Variants in CCNB3 observed in about 807,000 individuals in gnomAD.
CCNB3 encodes the protein G2/mitotic-specific cyclin-B3.
In CCNB3, 12 loss-of-function variants were observed where a neutral mutation model predicts 68.0. The observed-to-expected ratio is 0.18, with a 90% CI of 0.11 to 0.29. The LOEUF (loss-of-function observed/expected upper bound fraction) is 0.29. Ranked by LOEUF, CCNB3 falls within the 10% of genes least tolerant of loss-of-function variation. The pLI is 1.00. For synonymous variants in CCNB3, 354 were observed against 388.9 expected, an observed-to-expected ratio of 0.91 and a Z score of 1.06; for missense variants, 904 against 993.1, an observed-to-expected ratio of 0.91 and a Z score of 1.21.
chrX:50,279,490 T>A (rs1455344555), intron 1 of CCNB3, among the ~76,000 whole-genome samples: 1 of 83,063 alleles, frequency 1.2e-5, no homozygotes, highest in African/African-American at 4.5e-5. Context: ...AATATTCATA[T>A]ATAAATATAT....
At chrX:50,342,072 A>G in intron 8 of CCNB3, 130 bp from the exon 9 acceptor site, 4 of 729,758 alleles carry the variant, frequency 5.5e-6, no homozygotes, top group Non-Finnish European at 8.4e-6. Flanking sequence ...CAGTTTCTGT[A>G]TTCGTAGCAG....
intron 1 of CCNB3, among the ~76,000 whole-genome samples, chrX:50,226,835 T>C (rs1935840670): frequency 1.4e-5 from 1 of 71,997 alleles, no homozygotes; most frequent in Non-Finnish European, 2.3e-5. Flanking sequence ...TACATGAATA[T>C]ATATAGTATA....
chrX:50,317,539 A>C (rs79633453), intron 8 of CCNB3, among the ~76,000 whole-genome samples: 1 of 24,116 alleles, frequency 4.1e-5, no homozygotes. Flanking sequence ...GTGTGTATTT[A>C]AATTTATGTA....
intron 4 of CCNB3, among the ~76,000 whole-genome samples, chrX:50,293,339 T>A (rs1219642673): frequency 2.7e-5 from 3 of 111,164 alleles, no homozygotes; most frequent in Admixed American, 9.6e-5. Flanking sequence ...TGATTTTTTT[T>A]AAGGTTTTTT....
At chrX:50,228,884 A>G (rs1423908389) in intron 1 of CCNB3, among the ~76,000 whole-genome samples, 3 of 67,403 alleles carry the variant, frequency 4.5e-5, no homozygotes, top group East Asian at 8.5e-4. Context: ...ATATATATGT[A>G]GAATATATAT....
intron 8 of CCNB3, among the ~76,000 whole-genome samples, chrX:50,341,534 TAA>T (rs375900011): frequency 2.3e-5 from 2 of 86,183 alleles, no homozygotes; most frequent in African/African-American, 4.2e-5. Context: ...AAATAGAGAC[TAA>T]AAAAAAAAAA....
intron 8 of CCNB3, among the ~76,000 whole-genome samples, chrX:50,322,703 A>G (rs1433389201): frequency 8.9e-6 from 1 of 112,201 alleles, no homozygotes; most frequent in Non-Finnish European, 1.9e-5. Context: ...CAGAATCTAC[A>G]AATAACTCAA....
intron 8 of CCNB3, among the ~76,000 whole-genome samples, chrX:50,318,369 C>T (rs1156801632): frequency 3.6e-5 from 4 of 110,245 alleles, no homozygotes; most frequent in East Asian, 2.9e-4. Flanking sequence ...AAAAATTAGC[C>T]GGGCATGGTG....
chrX:50,279,138 TATAA>T (rs1397935505), intron 1 of CCNB3, among the ~76,000 whole-genome samples: 5 of 54,049 alleles, frequency 9.3e-5, no homozygotes, highest in East Asian at 5.7e-4. Flanking sequence ...TATATTCATA[TATAA>T]ATATATAGAA....
rs371827417 is a variant in CCNB3, at chrX:50,310,993, G to A, written c.2824G>A (p.Glu942Lys). ...GAATGAGAAACCCACCACTGGGAAG[G>A]AGTTGTCCTTCAAGGAGCCATTAGC... ...ALNEKPTTGKELSFKEPLALQ... is the reference protein window; with the variant it reads ...ALNEKPTTGKKLSFKEPLALQ... The change falls in exon 6 of 13, where the codon GAG becomes AAG. Residue 942 changes from glutamate to lysine, a missense_variant. By Grantham distance (56) the Glu-to-Lys change is moderately conservative. Around this residue, in one of 2 missense-constraint regions of CCNB3, gnomAD observed 285 missense variants for 383.4 expected, o/e 0.74. Transcript: ENST00000376042. 2.5e-6 allele frequency: 3 copies of A among 1,209,943 alleles called. No individual in the cohort carries two copies. The African/African-American group carries it at 5.3e-5, about 21-fold the overall frequency.
chrX:50,279,602 G>GAATATGTACATTCATCTATGTAAA lies in CCNB3; in HGVS notation c.-112-4940_-112-4939insAATATGTACATTCATCTATGTAAA, dbSNP rs1936056893. Among the ~76,000 whole-genome samples, 72 of 86,078 alleles carry GAATATGTACATTCATCTATGTAAA rather than the reference G, an allele frequency of 8.4e-4. 1 individual carries two copies. Among genetic ancestry groups the GAATATGTACATTCATCTATGTAAA allele is most frequent in the African/African-American group, 2.6e-3 (62 of 23,420 alleles). The allele number at this position is 86,078 out of a possible 115,157, so 74.7% of individuals were successfully genotyped here. ...TATAAATATATATTCATATGTAAAT[G>GAATATGTACATTCATCTATGTAAA]TATATGCATATGTACATTCATCTAT... On this transcript the variant is annotated intron_variant, in intron 1 of 12. Coordinates refer to ENST00000376042, the MANE Select transcript of CCNB3 (RefSeq NM_033031.3).
In CCNB3 at chrX:50,311,589, TG is replaced by T. The variant is rs1194317732; in HGVS notation, c.3327+94del. ...AAAGTTGTTTTTTTTTTTTTGTTTT[TG>T]TTTTTTGTTGTTGTTGTTGTTTTTT... On this transcript the variant is annotated intron_variant, in intron 6 of 12. Transcript: ENST00000376042. The T allele has an allele frequency of 2.1e-4, 140 of 681,160 alleles. No individual in the cohort carries two copies. The African/African-American group carries it at 2.9e-3, about 14-fold the overall frequency. The allele number at this position is 681,160 out of a possible 1,213,427, so 56.1% of individuals were successfully genotyped here.
At chrX:50,222,166 C>A (rs1376840474) in intron 1 of CCNB3, among the ~76,000 whole-genome samples, 3 of 111,254 alleles carry the variant, frequency 2.7e-5, no homozygotes, top group Non-Finnish European at 5.7e-5. Context: ...TGTCTCTGCA[C>A]ATGTGATGGG....
At chrX:50,321,460 A>G (rs185262228) in intron 8 of CCNB3, among the ~76,000 whole-genome samples, 2 of 111,588 alleles carry the variant, frequency 1.8e-5, no homozygotes, top group South Asian at 3.7e-4. Context: ...TCCTTAGTCT[A>G]TTGGGTGTCA....
intron 8 of CCNB3, among the ~76,000 whole-genome samples, chrX:50,328,622 C>T (rs1321159124): frequency 9.0e-6 from 1 of 111,421 alleles, no homozygotes; most frequent in African/African-American, 3.3e-5. Context: ...CAAACTATAT[C>T]ATTTCACCCC....
rs1158101374 is a variant in CCNB3, at chrX:50,311,191, C to G, written c.3022C>G (p.Leu1008Val). ...GKSGTINEAF[L>V]FEDMITLNEK... ...ATCTGGTACCATCAATGAGGCATTCCTCTTCGAAGATATGATAACTCTGAA... is the reference window on the plus strand; with the variant it reads ...ATCTGGTACCATCAATGAGGCATTCGTCTTCGAAGATATGATAACTCTGAA... The change falls in exon 6 of 13, where the codon CTC becomes GTC. Residue 1008 changes from leucine to valine, a missense_variant. Transcript: ENST00000376042. 1.1e-5 allele frequency: 13 copies of G among 1,205,099 alleles called. No individual in the cohort carries two copies. The highest frequency in any genetic ancestry group is 1.5e-5 in the Non-Finnish European group (13 of 893,965).
intron 3 of CCNB3, 67 bp from the exon 4 acceptor site, chrX:50,288,713 G>C (rs1021601050): frequency 3.8e-6 from 3 of 784,256 alleles, no homozygotes; most frequent in Non-Finnish European, 3.8e-6. Flanking sequence ...GCCCTAAAGA[G>C]GACCCAAAGT....
Position 50,309,979 on chromosome X carries a change from C to A in CCNB3, c.1810C>A (p.Pro604Thr). ...GGGGAAGATGTCCCACTTAAAGAAG[C>A]CACTGGTCTTGCAGAAGATCACTTC... ...TQGKMSHLKK[P>T]LVLQKITSEE... The change falls in exon 6 of 13, where the codon CCA becomes ACA. Residue 604 changes from proline (P) to threonine (T), a missense_variant. By Grantham distance (38) the Pro-to-Thr change is conservative. Around this residue, in one of 2 missense-constraint regions of CCNB3, gnomAD observed 619 missense variants for 609.8 expected, o/e 1.02. Coordinates refer to ENST00000376042, the MANE Select transcript of CCNB3 (RefSeq NM_033031.3). 1 of 1,210,608 alleles carries A rather than the reference C, an allele frequency of 8.3e-7. No individual in the cohort carries two copies. The highest frequency in any genetic ancestry group is 3.0e-5 in the East Asian group (1 of 33,806).
Position 50,310,704 on chromosome X carries a change from C to G in CCNB3, c.2535C>G (p.Leu845=), listed in dbSNP as rs1557214676. 8.3e-7 allele frequency: 1 copy of G among 1,208,189 alleles called. No homozygotes were observed. Among genetic ancestry groups the G allele is most frequent in the Admixed American group, 2.2e-5 (1 of 45,476 alleles). ...CCAGCACTGAGAAGGAGGCTGTCCTCAAGGAGCCCAGTGTTGACACAGAAG... is the reference window on the plus strand; with the variant it reads ...CCAGCACTGAGAAGGAGGCTGTCCTGAAGGAGCCCAGTGTTGACACAGAAG... ...EEPSTEKEAV[L]KEPSVDTEAH... The change falls in exon 6 of 13, where the codon CTC becomes CTG. Residue 845 remains leucine, a synonymous_variant. Coordinates refer to ENST00000376042, the MANE Select transcript of CCNB3 (RefSeq NM_033031.3).
Sources: gnomAD v4.1 joint callset for allele counts (sites outside exome capture counted in the v4.1 genomes callset) on GRCh38, gnomAD v4.1.1 for gene constraint, gnomAD v4.1.1 regional missense constraint, MANE v1.5 for transcripts, NCBI Gene and HGNC (gene_info 2026-07-23, HGNC 2026-07-21) for gene names.